ATP10A: variants seen among roughly 807,000 people sequenced by gnomAD.
ATP10A encodes the protein ATPase phospholipid transporting 10A (putative).
In ATP10A, 111 loss-of-function variants were observed where a neutral mutation model predicts 147.8. That is an observed-to-expected ratio of 0.75 (90% CI 0.64 to 0.88). The LOEUF (loss-of-function observed/expected upper bound fraction) is 0.88. Among genes scored for constraint, ATP10A ranks in the 40% least tolerant of loss-of-function variants. The pLI is 0.00. For synonymous variants in ATP10A, 875 were observed against 841.6 expected (o/e 1.04, Z -0.69); for missense variants, 1,927 against 1,959.0 (o/e 0.98, Z 0.31).
intron 10 of ATP10A, chr15:25,710,489 A>G (rs1901342892): frequency 2.0e-5 from 3 of 152,162 alleles, no homozygotes; most frequent in African/African-American, 7.2e-5. Context: ...CCACCAGGAG[A>G]CAGCTGGCGA....
intron 1 of ATP10A, among the ~76,000 whole-genome samples, chr15:25,857,861 A>G (rs967089322): frequency 6.6e-6 from 1 of 152,180 alleles, no homozygotes; most frequent in Non-Finnish European, 1.5e-5. Flanking sequence ...CAAGCTATTG[A>G]GTCTTGAAGC....
intron 1 of ATP10A, among the ~76,000 whole-genome samples, chr15:25,816,787 G>A (rs4906780): frequency 0.14 from 21,922 of 152,012 alleles, 1,752 homozygotes; most frequent in South Asian, 0.22. Flanking sequence ...AAAGTGAAAA[G>A]ATCTAAGATC....
intron 1 of ATP10A, among the ~76,000 whole-genome samples, chr15:25,785,577 G>T (rs1890121194): frequency 6.6e-6 from 1 of 152,194 alleles, no homozygotes; most frequent in East Asian, 1.9e-4. Context: ...AAACTGAAGG[G>T]CAGGCAGAAG....
chr15:25,759,512 T>C (rs911170624), intron 2 of ATP10A, among the ~76,000 whole-genome samples: 1 of 152,120 alleles, frequency 6.6e-6, no homozygotes, highest in African/African-American at 2.4e-5. Flanking sequence ...CTGCCCTTAA[T>C]AGAAAACTGT....
chr15:25,825,560 C>G (rs140371520), intron 1 of ATP10A, among the ~76,000 whole-genome samples: 33 of 152,258 alleles, frequency 2.2e-4, no homozygotes, highest in African/African-American at 7.5e-4. Context: ...CACATAACAT[C>G]AGCAAAGATT....
intron 1 of ATP10A, among the ~76,000 whole-genome samples, chr15:25,837,561 A>G (rs535602956): frequency 7.9e-5 from 12 of 152,316 alleles, no homozygotes; most frequent in African/African-American, 2.6e-4. Flanking sequence ...GCATAAACCT[A>G]GGGCTTTCCA....
At chr15:25,705,708 G>A (rs951686193) in intron 12 of ATP10A, among the ~76,000 whole-genome samples, 5 of 152,160 alleles carry the variant, frequency 3.3e-5, no homozygotes, top group South Asian at 2.1e-4. Context: ...GAGGAAGGTC[G>A]ATTTACTGCA....
At chr15:25,846,281 A>G (rs1461803916) in intron 1 of ATP10A, among the ~76,000 whole-genome samples, 1 of 152,200 alleles carries the variant, frequency 6.6e-6, no homozygotes, top group Admixed American at 6.5e-5. Flanking sequence ...GGAACTGCAC[A>G]CTTAAAAGGG....
chr15:25,769,509 A>C (rs1387479573), intron 2 of ATP10A, among the ~76,000 whole-genome samples: 4 of 151,280 alleles, frequency 2.6e-5, no homozygotes, highest in African/African-American at 4.9e-5. Context: ...AAAAAAAAAA[A>C]AAAAGACATG....
Position 25,781,088 on chromosome 15 carries a change from G to C in ATP10A, c.585C>G (p.Ile195Met). ...TCTCTCCATCCAGGTTGGCGGTCTC[G>C]ATGTGGCATAGCCCGTCGGGGTCAC... Reference protein sequence around the residue: ...SSSDPDGLCHIETANLDGETN... With the variant: ...SSSDPDGLCHMETANLDGETN... The change falls in exon 2 of 21, where the codon ATC (isoleucine) becomes ATG (methionine). Residue 195 changes from isoleucine to methionine, a missense_variant. Transcript: ENST00000555815. 1 of 1,614,204 alleles carries C rather than the reference G, an allele frequency of 6.2e-7. No homozygotes were observed. The highest frequency in any genetic ancestry group is 1.1e-5 in the South Asian group (1 of 91,084).
chr15:25,843,847 C>A (rs954770443), intron 1 of ATP10A, among the ~76,000 whole-genome samples: 4 of 152,298 alleles, frequency 2.6e-5, no homozygotes, highest in African/African-American at 9.6e-5. Context: ...CCGGTTAACA[C>A]AAGAAACTAA....
rs924988549 is a variant in ATP10A at position 25,714,178 on chromosome 15, T to G, written c.1840A>C (p.Thr614Pro). 5.6e-6 allele frequency: 9 copies of G among 1,607,802 alleles called. No individual in the cohort carries two copies. Among genetic ancestry groups the G allele is most frequent in the Non-Finnish European group, 7.6e-6 (9 of 1,180,022 alleles). The change falls in exon 10 of 21, where the codon ACA becomes CCA. Residue 614 changes from threonine to proline, a missense_variant. Transcript: ENST00000555815. ...KTIEDFLRRF[T>P]PSCLTSGCSS... ...CAGCCTGAGGTCAGGCAGCTGGGTG[T>G]GAACCTCCGCAGGAAGTCTTCTATC...
chr15:25,851,858 G>T (rs1012961056), intron 1 of ATP10A, among the ~76,000 whole-genome samples: 1 of 152,022 alleles, frequency 6.6e-6, no homozygotes, highest in Non-Finnish European at 1.5e-5. Flanking sequence ...GAGGCCAGGA[G>T]TTCGAGACCA....
intron 1 of ATP10A, among the ~76,000 whole-genome samples, chr15:25,828,745 A>C (rs1892224962): frequency 6.6e-6 from 1 of 152,214 alleles, no homozygotes; most frequent in South Asian, 2.1e-4. Context: ...AATATAATTT[A>C]ATAAATACAC....
At chr15:25,689,440 G>A (rs747050799) in intron 15 of ATP10A, among the ~76,000 whole-genome samples, 35 of 152,218 alleles carry the variant, frequency 2.3e-4, no homozygotes, top group South Asian at 1.7e-3. Flanking sequence ...CCCCACCTTG[G>A]CTGAGCTGGG....
At chr15:25,749,798 T>G (rs1888051538) in intron 2 of ATP10A, among the ~76,000 whole-genome samples, 1 of 152,076 alleles carries the variant, frequency 6.6e-6, no homozygotes, top group South Asian at 2.1e-4. Context: ...GAGACCAAAA[T>G]TGAACTTCTA....
chr15:25,707,300 G>A (rs893623143), intron 12 of ATP10A, among the ~76,000 whole-genome samples: 1 of 152,050 alleles, frequency 6.6e-6, no homozygotes, highest in Non-Finnish European at 1.5e-5. Flanking sequence ...CTTTGTGCTC[G>A]AGAAGTACCA....
intron 1 of ATP10A, among the ~76,000 whole-genome samples, chr15:25,816,475 A>AT (rs1238802670): frequency 1.3e-5 from 2 of 152,228 alleles, no homozygotes; most frequent in Non-Finnish European, 2.9e-5. Context: ...TACATATGAT[A>AT]TAAATTCAAG....
intron 2 of ATP10A, among the ~76,000 whole-genome samples, chr15:25,755,640 G>A (rs1888371098): frequency 6.6e-6 from 1 of 152,170 alleles, no homozygotes; most frequent in Non-Finnish European, 1.5e-5. Flanking sequence ...CTTAAAAACA[G>A]TCTGCCCAAC....
Sources: allele counts gnomAD v4.1 joint callset (sites outside exome capture counted in the v4.1 genomes callset), GRCh38; gene constraint gnomAD v4.1.1; transcripts MANE v1.5; gene names NCBI Gene and HGNC (gene_info 2026-07-23, HGNC 2026-07-21).